Variants in CYFIP2 observed in about 807,000 individuals in gnomAD.
CYFIP2 encodes the protein cytoplasmic FMR1 interacting protein 2, also known as cytoplasmic FMR1-interacting protein 2.
CYFIP2 carries 29 observed loss-of-function variants against 158.7 expected under a neutral mutation model. That is an observed-to-expected ratio of 0.18 (90% CI 0.14 to 0.25). The LOEUF (loss-of-function observed/expected upper bound fraction) is 0.25. CYFIP2 is among the 10% of genes least tolerant of loss of function. The pLI, the probability that CYFIP2 is intolerant of heterozygous loss-of-function variation, is 1.00. For missense variants in CYFIP2, 852 were observed against 1,639.5 expected (o/e 0.52, Z 8.29); for synonymous variants, 585 against 617.6 (o/e 0.95, Z 0.78).
At position 157,361,109 on chromosome 5, in the gene CYFIP2, C is replaced by A. The variant is rs1293976353; in HGVS notation, c.2909-359C>A. ...TAAATGAGATATTACAGATAAAGTG[C>A]TCAGCACAATATCTGACACCTACTA... On this transcript the variant is annotated intron_variant, in intron 25 of 30. Coordinates refer to ENST00000620254, the MANE Select transcript of CYFIP2 (RefSeq NM_001037333.3). The surrounding 1 kb of genome is among the most constrained non-coding windows in gnomAD (Gnocchi z 4.4). Among the ~76,000 whole-genome samples, 1 of 152,148 alleles carries A rather than the reference C, an allele frequency of 6.6e-6. No individual in the cohort carries two copies. The highest frequency in any genetic ancestry group is 1.9e-4 in the East Asian group (1 of 5,204).
chr5:157,350,823 T>C (rs2113307603), intron 23 of CYFIP2, among the ~76,000 whole-genome samples: 1 of 152,348 alleles, frequency 6.6e-6, no homozygotes, highest in East Asian at 1.9e-4. Context: ...TTTTGTAGTT[T>C]TCCTTGTAGA....
intron 28 of CYFIP2, among the ~76,000 whole-genome samples, chr5:157,386,659 C>T (rs530981197): frequency 1.4e-3 from 212 of 152,290 alleles, no homozygotes; most frequent in African/African-American, 4.4e-3. Context: ...GTGGCTCACA[C>T]CTGGAATCCC....
At chr5:157,306,389 A>G (rs1205490631) in intron 8 of CYFIP2, among the ~76,000 whole-genome samples, 1 of 152,144 alleles carries the variant, frequency 6.6e-6, no homozygotes, top group East Asian at 1.9e-4. Context: ...CTACCAGCCC[A>G]CCAAGTAGTC....
intron 28 of CYFIP2, chr5:157,383,623 G>A (rs1766349852): frequency 3.1e-6 from 1 of 317,600 alleles, no homozygotes; most frequent in Admixed American, 4.3e-5. Context: ...TATCTACTGT[G>A]TCCCTGGTAG....
At position 157,327,109 on chromosome 5, in the gene CYFIP2, G is replaced by A. The variant is rs369814249; in HGVS notation, c.2079+842G>A. Among the ~76,000 whole-genome samples the A allele has an allele frequency of 6.6e-5, 10 of 152,232 alleles. 1 individual carries two copies. Among genetic ancestry groups the A allele is most frequent in the Admixed American group, 6.5e-4 (10 of 15,294 alleles). ...TGCTCTTGCCATTTCTGAAATATTT[G>A]GTTTGATTCTTCATGTCTGTGTGAA... On this transcript the variant is annotated intron_variant, in intron 18 of 30. Transcript: ENST00000620254.
At chr5:157,322,797 A>G in intron 15 of CYFIP2, 1 of 783,296 alleles carries the variant, frequency 1.3e-6, no homozygotes, top group East Asian at 2.7e-5. Context: ...AGTGTCTCAG[A>G]GGTGGCCCCC....
intron 16 of CYFIP2, among the ~76,000 whole-genome samples, 153 bp downstream of exon 16, chr5:157,324,227 A>G (rs1760834971): frequency 1.3e-5 from 2 of 152,228 alleles, no homozygotes; most frequent in South Asian, 4.1e-4. Flanking sequence ...TACACTTTCC[A>G]GTGGGCTTTT....
At position 157,389,257 on chromosome 5, in the gene CYFIP2, C is replaced by G; in HGVS notation, c.3276C>G (p.Phe1092Leu). The G allele has an allele frequency of 6.2e-7, 1 of 1,614,052 alleles. No individual in the cohort carries two copies. The highest frequency in any genetic ancestry group is 8.5e-7 in the Non-Finnish European group (1 of 1,179,888). Reference protein sequence around the residue: ...KERLCCGLSMFEVILTRIRSY... With the variant: ...KERLCCGLSMLEVILTRIRSY... ...GGCTGTGCTGTGGCCTGTCCATGTTCGAGGTCATCCTGACCCGCATTCGGA... is the reference window on the plus strand; with the variant it reads ...GGCTGTGCTGTGGCCTGTCCATGTTGGAGGTCATCCTGACCCGCATTCGGA... The change falls in exon 29 of 31, where the codon TTC (phenylalanine) becomes TTG (leucine). Residue 1092 changes from phenylalanine to leucine, a missense_variant. Around this residue, in one of 8 missense-constraint regions of CYFIP2, gnomAD observed 223 missense variants for 381.6 expected, o/e 0.58. Transcript: ENST00000620254.
At chr5:157,382,508 A>G (rs1766226723) in intron 26 of CYFIP2, 82 bp from the exon 27 acceptor site, 2 of 1,451,848 alleles carry the variant, frequency 1.4e-6, no homozygotes, top group African/African-American at 1.4e-5. Flanking sequence ...AGCTAACTCC[A>G]GTGCTCAGGT....
rs1024713516 is a variant in CYFIP2, at chr5:157,294,941, G to T, written c.285+81G>T. Reference sequence around the variant, plus strand: ...TACTTCATCCCCAAACCAGAGAGCTGAGCTTTTCTTTCCACGTGGTAGGGA... The same window carrying T: ...TACTTCATCCCCAAACCAGAGAGCTTAGCTTTTCTTTCCACGTGGTAGGGA... On this transcript the variant is annotated intron_variant, in intron 4 of 30. Transcript: ENST00000620254. 49 of 1,185,226 alleles carry T rather than the reference G, an allele frequency of 4.1e-5. No individual in the cohort carries two copies. In the African/African-American group the frequency reaches 6.2e-4, roughly 15 times the overall value. 73.4% of individuals were successfully genotyped at this position (1,185,226 alleles called of 1,614,324 possible). A position where few individuals can be genotyped will look rare whatever the true frequency, so the allele number is the denominator to read the frequency against.
chr5:157,311,347 C>A lies in CYFIP2; in HGVS notation c.993-317C>A. On this transcript the variant is annotated intron_variant, in intron 10 of 30. Transcript: ENST00000620254. The surrounding 1 kb of genome is among the most constrained non-coding windows in gnomAD (Gnocchi z 4.7). ...CTTTTTCTGTGCTCAGATTCCATCC[C>A]TTTGTAGTCCTAGAGAGGCTGTGTT... 1 of 411,298 alleles carries A rather than the reference C, an allele frequency of 2.4e-6. No homozygotes were observed. Among genetic ancestry groups the A allele is most frequent in the Non-Finnish European group, 4.6e-6 (1 of 217,822 alleles). 25.5% of individuals were successfully genotyped at this position (411,298 alleles called of 1,614,324 possible). A position where few individuals can be genotyped will look rare whatever the true frequency, so the allele number is the denominator to read the frequency against.
intron 23 of CYFIP2, chr5:157,343,585 A>C (rs1762460538): frequency 6.9e-7 from 1 of 1,439,550 alleles, no homozygotes. Context: ...CCCCTGATTT[A>C]AGTATGTATT....
At chr5:157,367,249 G>C (rs1581157704) in intron 26 of CYFIP2, among the ~76,000 whole-genome samples, 1 of 152,156 alleles carries the variant, frequency 6.6e-6, no homozygotes, top group African/African-American at 2.4e-5. Flanking sequence ...CTTTTAGGGG[G>C]TTGCCCTGGA....
At chr5:157,340,665 A>C (rs1224576775) in intron 22 of CYFIP2, among the ~76,000 whole-genome samples, 1 of 152,246 alleles carries the variant, frequency 6.6e-6, no homozygotes, top group Non-Finnish European at 1.5e-5. Flanking sequence ...GAGTACTTGC[A>C]ACAGAGACCG....
intron 7 of CYFIP2, 40 bp downstream of exon 7, chr5:157,302,930 G>T: frequency 2.0e-6 from 3 of 1,510,870 alleles, no homozygotes; most frequent in Non-Finnish European, 2.7e-6. Context: ...CTGATGTCTC[G>T]GGGTTATAGG....
At position 157,330,799 on chromosome 5, in the gene CYFIP2, G is replaced by C; in HGVS notation, c.2214G>C (p.Pro738=). 1 of 1,613,884 alleles carries C rather than the reference G, an allele frequency of 6.2e-7. No individual in the cohort carries two copies. Among genetic ancestry groups the C allele is most frequent in the East Asian group, 2.2e-5 (1 of 44,864 alleles). Residue 738 remains proline, a synonymous_variant, in exon 20 of 31, where the codon CCG becomes CCC. Coordinates refer to ENST00000620254, the MANE Select transcript of CYFIP2 (RefSeq NM_001037333.3). ...AECKNYGVII[P]YPPSNRYETL... The stretch of plus-strand genomic sequence containing the variant: ...GTAAGAATTATGGCGTCATCATTCC[G>C]TATCCACCGTCCAATCGCTATGAAA...
Position 157,330,928 on chromosome 5 carries a change from T to A in CYFIP2, c.2265+78T>A, listed in dbSNP as rs138033563. 4.5e-4 allele frequency: 521 copies of A among 1,159,790 alleles called. 3 individuals are homozygous for A. The African/African-American group carries it at 7.4e-3, about 17-fold the overall frequency. The allele number at this position is 1,159,790 out of a possible 1,614,324, so 71.8% of individuals were successfully genotyped here. A position where few individuals can be genotyped will look rare whatever the true frequency, so the allele number is the denominator to read the frequency against. ...GCGAAGTTAGCATAGAGATCAGAAA[T>A]CAGGCCTGGGTATTGTCTGCCCGGC... On this transcript the variant is annotated intron_variant, in intron 20 of 30. Coordinates refer to ENST00000620254, the MANE Select transcript of CYFIP2 (RefSeq NM_001037333.3).
At chr5:157,352,084 ATAAAG>A (rs1461862899) in intron 23 of CYFIP2, among the ~76,000 whole-genome samples, 1 of 152,252 alleles carries the variant, frequency 6.6e-6, no homozygotes, top group Non-Finnish European at 1.5e-5. Context: ...TATTCTCTAA[ATAAAG>A]TAAATTATAT....
At chr5:157,323,310 C>T (rs1391545358) in intron 15 of CYFIP2, among the ~76,000 whole-genome samples, 5 of 152,158 alleles carry the variant, frequency 3.3e-5, no homozygotes, top group Admixed American at 6.5e-5. Flanking sequence ...ACCAAGGGGG[C>T]GCCATCGCTC....
Sources: allele counts gnomAD v4.1 joint callset (sites outside exome capture counted in the v4.1 genomes callset), GRCh38; gene constraint gnomAD v4.1.1; regional missense constraint gnomAD v4.1.1; non-coding constraint Gnocchi (gnomAD v3.1); transcripts MANE v1.5; gene names NCBI Gene and HGNC (gene_info 2026-07-23, HGNC 2026-07-21).